Variants in LAPTM4B observed in about 807,000 individuals in gnomAD.
The protein encoded by LAPTM4B is lysosomal protein transmembrane 4 beta.
Under a neutral mutation model 28.5 loss-of-function variants are expected in LAPTM4B, and 26 were observed. That is an observed-to-expected ratio of 0.91 (90% confidence interval 0.67 to 1.27). The LOEUF (loss-of-function observed/expected upper bound fraction) is 1.27. LAPTM4B is among the 50% of genes most tolerant of loss of function. The pLI is 0.00. For missense variants in LAPTM4B, 288 were observed against 285.8 expected, an observed-to-expected ratio of 1.01 and a Z score of -0.06; for synonymous variants, 109 against 106.4, an observed-to-expected ratio of 1.02 and a Z score of -0.15.
chr8:97,831,970 C>T (rs916227200), intron 6 of LAPTM4B, among the ~76,000 whole-genome samples: 3 of 152,132 alleles, frequency 2.0e-5, no homozygotes, highest in East Asian at 1.9e-4. Flanking sequence ...CCTTTGGTCA[C>T]AGGAGCCTTC....
chr8:97,825,752 C>G (rs1817082173), intron 6 of LAPTM4B, among the ~76,000 whole-genome samples: 1 of 152,212 alleles, frequency 6.6e-6, no homozygotes, highest in African/African-American at 2.4e-5. Flanking sequence ...TGTAAATTAT[C>G]TTGAAATTTC....
chr8:97,827,190 T>C (rs1310379720), intron 6 of LAPTM4B, among the ~76,000 whole-genome samples: 1 of 152,240 alleles, frequency 6.6e-6, no homozygotes, highest in Admixed American at 6.5e-5. Flanking sequence ...CTTTGGTTAT[T>C]ACCCTAGGTG....
At chr8:97,787,279 G>GTT (rs1816417887) in intron 1 of LAPTM4B, among the ~76,000 whole-genome samples, 1 of 143,374 alleles carries the variant, frequency 7.0e-6, no homozygotes. Flanking sequence ...GCTAGGAGAT[G>GTT]TTTCTTTCTT....
chr8:97,852,905 G>C lies in LAPTM4B; in HGVS notation c.*1431G>C, dbSNP rs145114838. 587 of 420,444 alleles carry C rather than the reference G, an allele frequency of 1.4e-3. 2 individuals carry two copies. The highest frequency in any genetic ancestry group is 0.011 in the African/African-American group (553 of 49,292). 26.0% of individuals were successfully genotyped at this position (420,444 alleles called of 1,614,324 possible). A position where few individuals can be genotyped will look rare whatever the true frequency, so the allele number is the denominator to read the frequency against. Reference sequence around the variant, plus strand: ...TGAAATAACAATTTCTAGAAATGAAGAACAATCCGTGGAGAATAAATTACC... The same window carrying C: ...TGAAATAACAATTTCTAGAAATGAACAACAATCCGTGGAGAATAAATTACC... On this transcript the variant is annotated 3_prime_UTR_variant, in exon 7 of 7. Transcript: ENST00000521545.
At chr8:97,782,215 T>C (rs1469711563) in intron 1 of LAPTM4B, among the ~76,000 whole-genome samples, 6 of 147,802 alleles carry the variant, frequency 4.1e-5, no homozygotes, top group Non-Finnish European at 1.5e-5. Flanking sequence ...TCCCGACCTC[T>C]GGTGATCTGC....
chr8:97,828,916 G>A (rs950962832), intron 6 of LAPTM4B, among the ~76,000 whole-genome samples: 1 of 152,218 alleles, frequency 6.6e-6, no homozygotes, highest in African/African-American at 2.4e-5. Flanking sequence ...AGGGGAATGG[G>A]GAGTTGCTCG....
intron 6 of LAPTM4B, among the ~76,000 whole-genome samples, chr8:97,849,072 A>G (rs1229218003): frequency 6.6e-6 from 1 of 152,156 alleles, no homozygotes; most frequent in Non-Finnish European, 1.5e-5. Context: ...TCATCTCTGC[A>G]ACATTCTCCC....
chr8:97,805,037 C>T (rs1228469006), intron 1 of LAPTM4B, among the ~76,000 whole-genome samples: 1 of 152,212 alleles, frequency 6.6e-6, no homozygotes, highest in African/African-American at 2.4e-5. Flanking sequence ...CCACTGGCGC[C>T]AGGGCTGATG....
chr8:97,820,189 T>C (rs1484686135), intron 5 of LAPTM4B, among the ~76,000 whole-genome samples: 1 of 152,188 alleles, frequency 6.6e-6, no homozygotes, highest in Non-Finnish European at 1.5e-5. Flanking sequence ...TCTTGGTCAA[T>C]CTGTTTATAA....
At chr8:97,814,401 G>C (rs529525366) in intron 2 of LAPTM4B, among the ~76,000 whole-genome samples, 1 of 152,082 alleles carries the variant, frequency 6.6e-6, no homozygotes, top group African/African-American at 2.4e-5. Context: ...AGGTACCTAG[G>C]GGGTGAGGTG....
intron 3 of LAPTM4B, among the ~76,000 whole-genome samples, 195 bp downstream of exon 3, chr8:97,815,596 T>G (rs947163220): frequency 6.6e-6 from 1 of 152,186 alleles, no homozygotes; most frequent in Admixed American, 6.5e-5. Flanking sequence ...AGACGGGGTC[T>G]CACTCTGTCA....
At chr8:97,805,116 T>C (rs564130826) in intron 1 of LAPTM4B, among the ~76,000 whole-genome samples, 7 of 152,298 alleles carry the variant, frequency 4.6e-5, no homozygotes, top group Non-Finnish European at 1.0e-4. Context: ...AAAATCCTGC[T>C]GTTGTCTTCA....
At chr8:97,821,187 T>C (rs1292244003) in intron 5 of LAPTM4B, among the ~76,000 whole-genome samples, 1 of 151,646 alleles carries the variant, frequency 6.6e-6, no homozygotes, top group Non-Finnish European at 1.5e-5. Flanking sequence ...ATACAAAAAA[T>C]TAGTTGGGCA....
chr8:97,851,384 T>C lies in LAPTM4B; in HGVS notation c.604-13T>C. On this transcript the variant is annotated splice_polypyrimidine_tract_variant and intron_variant, in intron 6 of 6. Coordinates refer to ENST00000521545, the MANE Select transcript of LAPTM4B (RefSeq NM_018407.6). ...TTCAAACATTAACTCTTGCCGTCCC[T>C]CTTTCTTCTCAGGTGCTGCTACCCC... 1 of 1,547,750 alleles carries C rather than the reference T, an allele frequency of 6.5e-7. No individual in the cohort carries two copies. The highest frequency in any genetic ancestry group is 8.9e-7 in the Non-Finnish European group (1 of 1,121,364).
At chr8:97,840,960 A>G (rs111696950) in intron 6 of LAPTM4B, among the ~76,000 whole-genome samples, 6,471 of 141,650 alleles carry the variant, frequency 0.046, 378 homozygotes, top group African/African-American at 0.15. Context: ...TTGGTGGCCA[A>G]GCAGAGGTGC....
At position 97,777,137 on chromosome 8, in the gene LAPTM4B, G is replaced by GTTTTTTTTTTTTTTTT. The variant is rs1176218610; in HGVS notation, c.99+1041_99+1056dup. On this transcript the variant is annotated intron_variant, in intron 1 of 6. Transcript: ENST00000521545. The stretch of plus-strand genomic sequence containing the variant: ...AGCATATATAACTTTTTTCAGTGAG[G>GTTTTTTTTTTTTTTTT]TTTTTTTTTTTTTTTTTTTTTTTTT... 8.3e-5 allele frequency among the ~76,000 whole-genome samples: 7 copies of GTTTTTTTTTTTTTTTT among 83,840 alleles called. 2 individuals carry two copies. Among genetic ancestry groups the GTTTTTTTTTTTTTTTT allele is most frequent in the Non-Finnish European group, 1.6e-4 (7 of 43,880 alleles). The allele number at this position is 83,840 out of a possible 152,430, so 55.0% of individuals were successfully genotyped here.
intron 6 of LAPTM4B, among the ~76,000 whole-genome samples, chr8:97,831,590 T>G (rs1312018382): frequency 6.6e-6 from 1 of 152,084 alleles, no homozygotes; most frequent in Non-Finnish European, 1.5e-5. Flanking sequence ...GAAGTGGTCA[T>G]GAAAGGAAGA....
chr8:97,836,946 A>T (rs2512070), intron 6 of LAPTM4B, among the ~76,000 whole-genome samples: 136,289 of 151,326 alleles, frequency 0.9, 61,913 homozygotes, highest in Non-Finnish European at 0.96. Flanking sequence ...GAGAAAAAAA[A>T]ATATATATAT....
rs1005103793 is a variant in LAPTM4B at position 97,785,346 on chromosome 8, C to T, written c.99+9238C>T. Among the ~76,000 whole-genome samples the T allele has an allele frequency of 3.3e-5, 5 of 152,300 alleles. No individual in the cohort carries two copies. The East Asian group carries it at 9.6e-4, about 29-fold the overall frequency. On this transcript the variant is annotated intron_variant, in intron 1 of 6. Coordinates refer to ENST00000521545, the MANE Select transcript of LAPTM4B (RefSeq NM_018407.6). ...CCCGCCTCCCAAAGTGCTGGGATTG[C>T]AGGCCTGAGCCTCTTATCACACTTT...
Sources: gnomAD v4.1 joint callset for allele counts (sites outside exome capture counted in the v4.1 genomes callset) on GRCh38, gnomAD v4.1.1 for gene constraint, MANE v1.5 for transcripts, NCBI Gene and HGNC (gene_info 2026-07-23, HGNC 2026-07-21) for gene names.